The following MARCHF1 variants were observed in gnomAD, a reference collection of about 807,000 sequenced individuals.
The protein encoded by MARCHF1 is membrane associated ring-CH-type finger 1.
A neutral mutation model predicts 54.2 loss-of-function variants in MARCHF1; 40 were observed. The ratio of observed to expected loss-of-function variants is 0.74; its 90% confidence interval spans 0.57 to 0.96. The LOEUF is 0.96. Among genes scored for constraint, MARCHF1 ranks in the 40% least tolerant of loss-of-function variants. The pLI, the probability that MARCHF1 is intolerant of heterozygous loss-of-function variation, is 0.00. For missense variants in MARCHF1, 586 were observed against 656.5 expected, an observed-to-expected ratio of 0.89 and a Z score of 1.17; for synonymous variants, 236 against 236.3, an observed-to-expected ratio of 1.00 and a Z score of 0.01.
chr4:164,229,649 C>A (rs1344339019), intron 1 of MARCHF1, among the ~76,000 whole-genome samples: 1 of 152,052 alleles, frequency 6.6e-6, no homozygotes, highest in Non-Finnish European at 1.5e-5. Context: ...GCTGATGGTT[C>A]TGCAGGTTGT....
At chr4:164,135,932 G>C (rs1041435931) in intron 1 of MARCHF1, among the ~76,000 whole-genome samples, 1 of 152,020 alleles carries the variant, frequency 6.6e-6, no homozygotes. Flanking sequence ...AGGCCCAAAG[G>C]TAAATATTTT....
intron 3 of MARCHF1, among the ~76,000 whole-genome samples, chr4:163,945,631 C>A (rs1752008603): frequency 6.6e-6 from 1 of 152,162 alleles, no homozygotes; most frequent in South Asian, 2.1e-4. Flanking sequence ...TTATTAGCAA[C>A]TCAATATTTT....
intron 1 of MARCHF1, among the ~76,000 whole-genome samples, chr4:164,176,902 T>C (rs1189536918): frequency 4.0e-5 from 6 of 148,414 alleles, no homozygotes; most frequent in African/African-American, 1.5e-4. Flanking sequence ...TTGATTTTTT[T>C]CTTAAATTCA....
At chr4:164,175,408 T>G (rs1440612574) in intron 1 of MARCHF1, among the ~76,000 whole-genome samples, 3 of 152,184 alleles carry the variant, frequency 2.0e-5, no homozygotes, top group African/African-American at 7.2e-5. Flanking sequence ...CTCAATACTA[T>G]TTCCTTTACT....
chr4:163,589,081 A>C (rs1579089198), intron 7 of MARCHF1, among the ~76,000 whole-genome samples: 2 of 151,764 alleles, frequency 1.3e-5, no homozygotes, highest in African/African-American at 2.4e-5. Context: ...AAAAAAAAAA[A>C]AAAAACTGCA....
rs1373312588 is a variant in MARCHF1, at chr4:163,699,561, G to T, written c.162+1252C>A. ...AAGAAAACAAAAACGTCTCTAAATT[G>T]GAAGTTGATCTACTTTCTTTAATGT... On this transcript the variant is annotated intron_variant, in intron 5 of 9. Coordinates refer to ENST00000514618, the MANE Select transcript of MARCHF1 (RefSeq NM_001394959.1). Among the ~76,000 whole-genome samples the T allele has an allele frequency of 2.0e-5, 3 of 152,054 alleles. No individual in the cohort carries two copies. The East Asian group carries it at 5.8e-4, about 29-fold the overall frequency.
At chr4:163,601,261 C>T (rs191847713) in intron 7 of MARCHF1, among the ~76,000 whole-genome samples, 24 of 151,932 alleles carry the variant, frequency 1.6e-4, no homozygotes, top group Admixed American at 4.6e-4. Context: ...TTGGTAGCAA[C>T]AAACACTGTA....
chr4:164,062,486 G>C (rs1421552850), intron 2 of MARCHF1, among the ~76,000 whole-genome samples: 3 of 151,896 alleles, frequency 2.0e-5, no homozygotes, highest in Admixed American at 2.0e-4. Context: ...ACTATATATG[G>C]ATACTACAAC....
chr4:164,372,283 G>T (rs1731057275), intron 1 of MARCHF1, among the ~76,000 whole-genome samples: 1 of 152,134 alleles, frequency 6.6e-6, no homozygotes. Context: ...ACTCTTTCTA[G>T]AAGTGAATTG....
chr4:163,556,884 ATTTT>A (rs575344370), intron 8 of MARCHF1, among the ~76,000 whole-genome samples: 1 of 144,146 alleles, frequency 6.9e-6, no homozygotes, highest in African/African-American at 2.5e-5. Context: ...AAAACTGAAG[ATTTT>A]TTTTTTTTTT....
At chr4:164,226,885 C>G (rs1732270082) in intron 1 of MARCHF1, among the ~76,000 whole-genome samples, 1 of 152,022 alleles carries the variant, frequency 6.6e-6, no homozygotes, top group Non-Finnish European at 1.5e-5. Context: ...GATGAAAATA[C>G]CAAAATGCAG....
intron 8 of MARCHF1, among the ~76,000 whole-genome samples, chr4:163,578,552 A>G (rs1242154488): frequency 6.6e-6 from 1 of 152,194 alleles, no homozygotes; most frequent in African/African-American, 2.4e-5. Flanking sequence ...CTGCTAAGTA[A>G]CATTTTTTGA....
intron 1 of MARCHF1, among the ~76,000 whole-genome samples, chr4:164,261,068 G>C (rs977998850): frequency 6.6e-6 from 1 of 152,018 alleles, no homozygotes; most frequent in African/African-American, 2.4e-5. Context: ...ACACGGGGAG[G>C]ATGCCATATG....
intron 1 of MARCHF1, among the ~76,000 whole-genome samples, chr4:164,226,156 T>G (rs1034839183): frequency 1.3e-5 from 2 of 151,972 alleles, no homozygotes; most frequent in Non-Finnish European, 2.9e-5. Flanking sequence ...AAAATTAACA[T>G]TAAGAATAAA....
intron 4 of MARCHF1, among the ~76,000 whole-genome samples, chr4:163,798,599 G>T (rs1469170860): frequency 6.6e-6 from 1 of 152,092 alleles, no homozygotes; most frequent in East Asian, 1.9e-4. Context: ...TTACACTCAA[G>T]ATAGAGCATT....
At chr4:164,035,687 T>C (rs1251328639) in intron 2 of MARCHF1, among the ~76,000 whole-genome samples, 1 of 139,334 alleles carries the variant, frequency 7.2e-6, no homozygotes. Context: ...ACAAAAAAAA[T>C]AAATGTTTTT....
chr4:163,865,343 C>T (rs1328407634), intron 3 of MARCHF1, among the ~76,000 whole-genome samples: 1 of 151,804 alleles, frequency 6.6e-6, no homozygotes, highest in Non-Finnish European at 1.5e-5. Context: ...CTTGACACAA[C>T]AGTAAGTTTA....
At position 163,612,893 on chromosome 4, in the gene MARCHF1, G is replaced by C. The variant is rs891302159; in HGVS notation, c.388C>G (p.His130Asp). Residue 130 changes from histidine (H) to aspartate (D), a missense_variant, in exon 7 of 10, where the codon CAT becomes GAT. By Grantham distance (81) the His-to-Asp change is moderately conservative. Coordinates refer to ENST00000514618, the MANE Select transcript of MARCHF1 (RefSeq NM_001394959.1). ...RRRKASERYE[H>D]AAEEQIRGRK... ...CCTCTTATTTGTTCTTCTGCAGCAT[G>C]CTCATATCTCTCAGAGGCTTTTCTC... The C allele has an allele frequency of 3.9e-6, 6 of 1,535,324 alleles. No individual in the cohort carries two copies. The highest frequency in any genetic ancestry group is 2.0e-5 in the Admixed American group (1 of 50,940).
At position 164,070,120 on chromosome 4, in the gene MARCHF1, G is replaced by T. The variant is rs146819451; in HGVS notation, c.-248+41468C>A. ...CAGACACTGTGGACTACTAAAGTGG[G>T]GAGAAAGGGAGAAGGGTGTTGATTG... On this transcript the variant is annotated intron_variant, in intron 2 of 9. Transcript: ENST00000514618. Among the ~76,000 whole-genome samples the T allele has an allele frequency of 6.6e-3, 1,002 of 152,230 alleles. 7 individuals carry two copies. In the Middle Eastern group the frequency reaches 0.068, roughly 10 times the overall value.
Sources: allele counts gnomAD v4.1 joint callset (sites outside exome capture counted in the v4.1 genomes callset), GRCh38; gene constraint gnomAD v4.1.1; transcripts MANE v1.5; gene names NCBI Gene and HGNC (gene_info 2026-07-23, HGNC 2026-07-21).